The following ERC1 variants were observed in gnomAD, a reference collection of about 807,000 sequenced individuals.
ERC1 encodes RAB6 interacting protein 2.
In ERC1, 56 loss-of-function variants were observed where a neutral mutation model predicts 132.0. The observed-to-expected ratio is 0.42, with a 90% CI of 0.34 to 0.53. The LOEUF (loss-of-function observed/expected upper bound fraction) is 0.53. Among genes scored for constraint, ERC1 ranks in the 20% least tolerant of loss-of-function variants. The probability of loss-of-function intolerance (pLI) is 0.03; values close to 1 mark genes in which losing one functional copy is unlikely to be tolerated. For missense variants in ERC1, 1,202 were observed against 1,349.9 expected (o/e 0.89, Z 1.72); for synonymous variants, 478 against 476.1 (o/e 1.00, Z -0.05).
chr12:1,204,504 C>T (rs757015185), intron 12 of ERC1: 102 of 1,590,516 alleles, frequency 6.4e-5, no homozygotes, highest in Non-Finnish European at 8.2e-5. Context: ...CCTTCAGTCT[C>T]ACCTCAAGGT....
At chr12:1,209,835 C>G (rs1477853879) in intron 12 of ERC1, among the ~76,000 whole-genome samples, 1 of 152,190 alleles carries the variant, frequency 6.6e-6, no homozygotes. Flanking sequence ...AAAAAATTCA[C>G]AAACATTTAA....
At chr12:1,261,252 C>G (rs530818638) in intron 13 of ERC1, among the ~76,000 whole-genome samples, 2 of 152,024 alleles carry the variant, frequency 1.3e-5, no homozygotes, top group African/African-American at 4.8e-5. Flanking sequence ...AGGAGACTTG[C>G]AAAAAACAGT....
chr12:1,214,665 TACACACACACACACAC>T (rs59137347), intron 12 of ERC1, among the ~76,000 whole-genome samples: 28 of 119,090 alleles, frequency 2.4e-4, no homozygotes, highest in African/African-American at 4.9e-4. Context: ...TGTGTATACA[TACACACACACACACAC>T]ACACACACAC....
intron 1 of ERC1, among the ~76,000 whole-genome samples, chr12:996,927 T>G (rs1264490927): frequency 6.6e-6 from 1 of 152,194 alleles, no homozygotes; most frequent in African/African-American, 2.4e-5. Context: ...TGGCAATATT[T>G]TATACTTTTT....
intron 7 of ERC1, among the ~76,000 whole-genome samples, chr12:1,117,166 A>G (rs1946545152): frequency 6.6e-6 from 1 of 152,348 alleles, no homozygotes; most frequent in East Asian, 1.9e-4. Flanking sequence ...CATAAAGCAT[A>G]TGATGTAGAT....
At chr12:1,187,179 AT>A (rs1955192093) in intron 11 of ERC1, among the ~76,000 whole-genome samples, 1 of 152,182 alleles carries the variant, frequency 6.6e-6, no homozygotes, top group African/African-American at 2.4e-5. Context: ...GATTTGAAAA[AT>A]ATGCCTTTTT....
intron 18 of ERC1, among the ~76,000 whole-genome samples, chr12:1,482,873 A>T (rs1020897996): frequency 6.6e-6 from 1 of 152,098 alleles, no homozygotes; most frequent in African/African-American, 2.4e-5. Context: ...ATTTTTGAAC[A>T]TTTTTGTCAC....
chr12:1,120,254 A>G (rs1946928801), intron 7 of ERC1, among the ~76,000 whole-genome samples: 1 of 152,084 alleles, frequency 6.6e-6, no homozygotes, highest in South Asian at 2.1e-4. Context: ...TCAGCCCCCA[A>G]AGCACAAGAA....
intron 15 of ERC1, among the ~76,000 whole-genome samples, chr12:1,347,316 C>T (rs546706870): frequency 6.6e-6 from 1 of 152,214 alleles, no homozygotes; most frequent in South Asian, 2.1e-4. Context: ...TAATATGGTA[C>T]AGCAATTTAT....
chr12:1,405,756 A>T (rs369123920), intron 16 of ERC1, among the ~76,000 whole-genome samples: 2 of 151,776 alleles, frequency 1.3e-5, no homozygotes, highest in African/African-American at 4.8e-5. Context: ...TAGCCAGTTA[A>T]AAGTAGATTT....
intron 14 of ERC1, among the ~76,000 whole-genome samples, chr12:1,269,534 G>T (rs1327431875): frequency 6.6e-6 from 1 of 152,206 alleles, no homozygotes; most frequent in Non-Finnish European, 1.5e-5. Context: ...AGCCATTAAA[G>T]AGTTTTAAAG....
intron 16 of ERC1, among the ~76,000 whole-genome samples, chr12:1,396,231 C>A (rs114712656): frequency 6.6e-6 from 1 of 152,098 alleles, no homozygotes; most frequent in East Asian, 1.9e-4. Context: ...AACTATATAT[C>A]TATTTTTGTT....
At chr12:1,168,669 TAGAG>T (rs1021826634) in intron 8 of ERC1, among the ~76,000 whole-genome samples, 1 of 151,936 alleles carries the variant, frequency 6.6e-6, no homozygotes. Context: ...GTATTTTTAG[TAGAG>T]ATGGGGTTTT....
At chr12:1,175,930 G>A (rs553215523) in intron 8 of ERC1, among the ~76,000 whole-genome samples, 4 of 152,236 alleles carry the variant, frequency 2.6e-5, no homozygotes, top group Non-Finnish European at 4.4e-5. Flanking sequence ...CACATCTTTA[G>A]TGACTACTTC....
At chr12:1,484,978 G>T (rs1565532825) in intron 18 of ERC1, among the ~76,000 whole-genome samples, 1 of 151,692 alleles carries the variant, frequency 6.6e-6, no homozygotes, top group African/African-American at 2.4e-5. Context: ...AACCTCCTGG[G>T]CTCAAGAGTT....
At chr12:1,066,366 T>C (rs1461820241) in intron 2 of ERC1, among the ~76,000 whole-genome samples, 1 of 152,208 alleles carries the variant, frequency 6.6e-6, no homozygotes, top group Non-Finnish European at 1.5e-5. Context: ...TATTAGTAGT[T>C]TAAAATAATG....
At chr12:1,060,603 G>A (rs946912081) in intron 2 of ERC1, among the ~76,000 whole-genome samples, 11 of 152,022 alleles carry the variant, frequency 7.2e-5, no homozygotes, top group Admixed American at 1.3e-4. Flanking sequence ...AAGCAAAAGC[G>A]GAAACCCCTG....
intron 8 of ERC1, among the ~76,000 whole-genome samples, chr12:1,157,913 C>G (rs1237156708): frequency 6.6e-6 from 1 of 152,190 alleles, no homozygotes; most frequent in Non-Finnish European, 1.5e-5. Flanking sequence ...TCAGCAGATA[C>G]TCTAAGGAGT....
rs763184833 is a variant in ERC1 at position 1,112,299 on chromosome 12, G to T, written c.1401+1G>T. The T allele has an allele frequency of 3.1e-6, 5 of 1,610,710 alleles. No homozygotes were observed. Among genetic ancestry groups the T allele is most frequent in the Non-Finnish European group, 3.4e-6 (4 of 1,177,268 alleles). ...GAAAGCGGCTGGTCTTCAGGCTGAG[G>T]TCTTTGCCGTAAGATTTACCTCTTT... On this transcript the variant is annotated splice_donor_variant, in intron 6 of 18. Transcript: ENST00000360905. LOFTEE classifies it high-confidence loss of function.
Sources: allele counts gnomAD v4.1 joint callset (sites outside exome capture counted in the v4.1 genomes callset), GRCh38; gene constraint gnomAD v4.1.1; transcripts MANE v1.5; gene names NCBI Gene and HGNC (gene_info 2026-07-23, HGNC 2026-07-21).